The following MTUS2 variants were observed in gnomAD, a reference collection of about 807,000 sequenced individuals.
MTUS2 encodes microtubule associated scaffold protein 2, also known as microtubule-associated tumor suppressor candidate 2.
Under a neutral mutation model 114.1 loss-of-function variants are expected in MTUS2, and 40 were observed. That is an observed-to-expected ratio of 0.35 (90% CI 0.27 to 0.46). The LOEUF is 0.46. Among genes scored for constraint, MTUS2 ranks in the 20% least tolerant of loss-of-function variants. MTUS2 has a pLI of 1.00. For missense variants in MTUS2, 1,679 were observed against 1,705.4 expected, an observed-to-expected ratio of 0.98 and a Z score of 0.27; for synonymous variants, 688 against 672.0, an observed-to-expected ratio of 1.02 and a Z score of -0.37.
rs558493611 is a variant in MTUS2 at position 28,835,419 on chromosome 13, T to C, written c.-315-4359T>C. Among the ~76,000 whole-genome samples the C allele has an allele frequency of 5.9e-5, 9 of 151,448 alleles. No homozygotes were observed. The South Asian group carries it at 6.3e-4, about 11-fold the overall frequency. On this transcript the variant is annotated intron_variant, in intron 1 of 15. Transcript: ENST00000612955. ...GCCAGACACAAAATACCACCTGTTA[T>C]ATGATTCTGTTTATATGAAGTATTC...
intron 9 of MTUS2, among the ~76,000 whole-genome samples, chr13:29,450,607 T>C (rs895708363): frequency 1.3e-5 from 2 of 152,178 alleles, no homozygotes; most frequent in African/African-American, 4.8e-5. Context: ...TAAAAATATC[T>C]GTTCTAAGCA....
Position 29,324,613 on chromosome 13 carries a change from G to A in MTUS2, c.2807G>A (p.Gly936Glu). ...ATTTCTCTTTTCCAACTATACACAG[G>A]AACAAAGAAAGATGCTCAGAAAGAT... ...PAPKSTSTPA[G>E]TKKDAQKDQD... is the part of the protein sequence containing the mutation. The change falls in exon 7 of 16, where the codon GGA (glycine) becomes GAA (glutamate). Residue 936 changes from glycine (G) to glutamate (E), a missense_variant and splice_region_variant. Coordinates refer to ENST00000612955, the MANE Select transcript of MTUS2 (RefSeq NM_001033602.4). The A allele has an allele frequency of 6.4e-7, 1 of 1,574,174 alleles. No homozygotes were observed. The highest frequency in any genetic ancestry group is 8.6e-7 in the Non-Finnish European group (1 of 1,157,852).
chr13:29,231,829 C>G (rs1268430437), intron 5 of MTUS2, among the ~76,000 whole-genome samples: 1 of 152,074 alleles, frequency 6.6e-6, no homozygotes, highest in Non-Finnish European at 1.5e-5. Context: ...TGCTGTATTC[C>G]TTCAGTACAG....
At chr13:29,128,956 G>C (rs1195310387) in intron 5 of MTUS2, among the ~76,000 whole-genome samples, 1 of 152,178 alleles carries the variant, frequency 6.6e-6, no homozygotes, top group East Asian at 1.9e-4. Context: ...TGCATCAAAG[G>C]ATGACCCTAG....
chr13:29,309,157 C>T (rs2139634938), intron 6 of MTUS2, among the ~76,000 whole-genome samples: 1 of 152,232 alleles, frequency 6.6e-6, no homozygotes, highest in South Asian at 2.1e-4. Flanking sequence ...TTCACAATAG[C>T]AAAGACATGG....
At position 29,267,093 on chromosome 13, in the gene MTUS2, C is replaced by G. The variant is rs138374773; in HGVS notation, c.2645-14611C>G. Among the ~76,000 whole-genome samples, 427 of 152,248 alleles carry G rather than the reference C, an allele frequency of 2.8e-3. 1 individual carries two copies. The highest frequency in any genetic ancestry group is 7.9e-3 in the African/African-American group (328 of 41,544). ...TTGTCTCAGCAAGAGGCACTAAGGG[C>G]TAACCTGGTGCCCATCACAGGAGCA... On this transcript the variant is annotated intron_variant, in intron 5 of 15. Transcript: ENST00000612955.
intron 5 of MTUS2, among the ~76,000 whole-genome samples, chr13:29,251,318 T>TAATAATAAA (rs1035606030): frequency 6.6e-6 from 1 of 151,154 alleles, no homozygotes; most frequent in African/African-American, 2.4e-5. Flanking sequence ...ATAATAATAA[T>TAATAATAAA]AAATGCCTAC....
intron 4 of MTUS2, among the ~76,000 whole-genome samples, chr13:29,094,463 A>G (rs1890094757): frequency 6.6e-6 from 1 of 151,896 alleles, no homozygotes; most frequent in South Asian, 2.1e-4. Flanking sequence ...TAGGTTGTCT[A>G]ATTTGTTGAG....
intron 1 of MTUS2, among the ~76,000 whole-genome samples, chr13:28,825,995 A>G (rs1874243019): frequency 1.3e-5 from 2 of 152,106 alleles, no homozygotes; most frequent in South Asian, 4.1e-4. Flanking sequence ...GTATTTGGAA[A>G]ATGGGGAACT....
intron 10 of MTUS2, among the ~76,000 whole-genome samples, chr13:29,485,925 G>A (rs1566231074): frequency 6.6e-6 from 1 of 152,142 alleles, no homozygotes; most frequent in Non-Finnish European, 1.5e-5. Flanking sequence ...ACAGTGTGTG[G>A]GGTGGGGGCG....
intron 5 of MTUS2, among the ~76,000 whole-genome samples, chr13:29,245,719 CG>C (rs1896898006): frequency 8.4e-6 from 1 of 118,938 alleles, no homozygotes; most frequent in African/African-American, 3.3e-5. Flanking sequence ...TTTTTTGAGA[CG>C]GAGTCTCGCT....
At chr13:28,964,333 C>A (rs768778195) in intron 2 of MTUS2, among the ~76,000 whole-genome samples, 4 of 152,186 alleles carry the variant, frequency 2.6e-5, no homozygotes, top group Non-Finnish European at 5.9e-5. Flanking sequence ...CTAGTCCAAG[C>A]CACTGTTCCT....
chr13:29,364,014 A>G (rs1289128460), intron 8 of MTUS2, among the ~76,000 whole-genome samples: 1 of 152,194 alleles, frequency 6.6e-6, no homozygotes, highest in Non-Finnish European at 1.5e-5. Flanking sequence ...CAAGATACAA[A>G]TACAGGCCAG....
chr13:29,403,567 C>T (rs1023258936), intron 8 of MTUS2, among the ~76,000 whole-genome samples: 1 of 152,108 alleles, frequency 6.6e-6, no homozygotes, highest in East Asian at 1.9e-4. Context: ...TGTGAGTGGC[C>T]CTCGTCCAAT....
intron 2 of MTUS2, among the ~76,000 whole-genome samples, chr13:28,970,282 A>T (rs1341042874): frequency 6.6e-6 from 1 of 152,244 alleles, no homozygotes; most frequent in African/African-American, 2.4e-5. Flanking sequence ...CAAATGTAGA[A>T]TAATATAAAT....
chr13:29,039,877 G>T (rs1887268279), intron 4 of MTUS2, among the ~76,000 whole-genome samples: 2 of 152,180 alleles, frequency 1.3e-5, no homozygotes, highest in African/African-American at 2.4e-5. Flanking sequence ...ATTTTACGTG[G>T]ATTTCCCATA....
chr13:29,138,483 ATATATTTT>A (rs1892076936), intron 5 of MTUS2, among the ~76,000 whole-genome samples: 1 of 148,272 alleles, frequency 6.7e-6, no homozygotes, highest in African/African-American at 2.4e-5. Flanking sequence ...AATTATATTT[ATATATTTT>A]TAATATTTAT....
rs531443960 is a variant in MTUS2, at chr13:29,076,282, A to C, written c.2447-24491A>C. ...GCTTCAAAGCCACTCTTACAGGATAAGTTTTTTATTATGGTATTAATAGCA... is the reference window on the plus strand; with the variant it reads ...GCTTCAAAGCCACTCTTACAGGATACGTTTTTTATTATGGTATTAATAGCA... On this transcript the variant is annotated intron_variant, in intron 4 of 15. Transcript: ENST00000612955. Among the ~76,000 whole-genome samples the C allele has an allele frequency of 3.9e-5, 6 of 152,314 alleles. No homozygotes were observed. The East Asian group carries it at 1.2e-3, about 29-fold the overall frequency.
At chr13:28,963,777 TA>T (rs1387746942) in intron 2 of MTUS2, among the ~76,000 whole-genome samples, 1 of 152,200 alleles carries the variant, frequency 6.6e-6, no homozygotes, top group East Asian at 1.9e-4. Flanking sequence ...TTGTCAACTT[TA>T]CCAGAACTTT....
Sources: allele counts gnomAD v4.1 joint callset (sites outside exome capture counted in the v4.1 genomes callset), GRCh38; gene constraint gnomAD v4.1.1; transcripts MANE v1.5; gene names NCBI Gene and HGNC (gene_info 2026-07-23, HGNC 2026-07-21).